FTCDNL1: variants seen among roughly 807,000 people sequenced by gnomAD.
FTCDNL1 encodes formiminotransferase N-terminal subdomain-containing protein.
A neutral mutation model predicts 5.9 loss-of-function variants in FTCDNL1; 11 were observed. That is an observed-to-expected ratio of 1.87 (90% confidence interval 1.18 to 3.10). FTCDNL1 has a LOEUF of 3.10. Ranked by LOEUF, FTCDNL1 falls within the 30% of genes most tolerant of loss-of-function variation. FTCDNL1 has a pLI of 0.00. For missense variants in FTCDNL1, 115 were observed against 65.5 expected (o/e 1.76, Z -2.61); for synonymous variants, 58 against 24.8 (o/e 2.34, Z -3.99).
chr2:199,678,829 TTAC>T, the FTCDNL1 span, among the ~76,000 whole-genome samples: 1 of 152,144 alleles, frequency 6.6e-6, no homozygotes, highest in African/African-American at 2.4e-5. Context: ...ACTCATTTAA[TTAC>T]TACTTTATTC....
rs970303981 is a variant in FTCDNL1, at chr2:199,840,623, T to G, written c.211+5452A>C. On this transcript the variant is annotated intron_variant, in intron 3 of 4. Coordinates refer to ENST00000420128, the MANE Select transcript of FTCDNL1 (RefSeq NM_001363886.2). Reference sequence around the variant, plus strand: ...AGTGTGATATTTCGATATCTAGAGTTAAATCAATAAGGTAAAAGAGTAGAA... The same window carrying G: ...AGTGTGATATTTCGATATCTAGAGTGAAATCAATAAGGTAAAAGAGTAGAA... Among the ~76,000 whole-genome samples the G allele has an allele frequency of 9.9e-5, 15 of 152,120 alleles. 1 individual carries two copies. Among genetic ancestry groups the G allele is most frequent in the Non-Finnish European group, 7.4e-5 (5 of 68,024 alleles).
At chr2:199,847,404 ACT>A (rs2076760765) in intron 2 of FTCDNL1, among the ~76,000 whole-genome samples, 1 of 152,136 alleles carries the variant, frequency 6.6e-6, no homozygotes, top group Non-Finnish European at 1.5e-5. Flanking sequence ...ACATACTCTA[ACT>A]CCTGGAAGAA....
chr2:199,797,110 T>C (rs1200280436), intron 3 of FTCDNL1, among the ~76,000 whole-genome samples: 3 of 152,238 alleles, frequency 2.0e-5, no homozygotes, highest in East Asian at 1.9e-4. Flanking sequence ...TGGATGCTTA[T>C]AAGCGATAGC....
At chr2:199,702,612 G>T in the FTCDNL1 span, among the ~76,000 whole-genome samples, 14 of 152,156 alleles carry the variant, frequency 9.2e-5, no homozygotes, top group African/African-American at 3.4e-4. Context: ...TATTTATCAA[G>T]CTGCCTCTAT....
chr2:199,816,016 A>G (rs1281776165), intron 4 of FTCDNL1, among the ~76,000 whole-genome samples: 1 of 151,684 alleles, frequency 6.6e-6, no homozygotes, highest in African/African-American at 2.4e-5. Flanking sequence ...AAAAGAAAGA[A>G]AGAAAGAAAG....
At chr2:199,780,917 T>G (rs1699332003) in intron 3 of FTCDNL1, among the ~76,000 whole-genome samples, 1 of 152,200 alleles carries the variant, frequency 6.6e-6, no homozygotes, top group Non-Finnish European at 1.5e-5. Flanking sequence ...CTCATGGAAG[T>G]GCTCTTCCTC....
At chr2:199,751,715 C>T in the FTCDNL1 span, among the ~76,000 whole-genome samples, 1 of 129,920 alleles carries the variant, frequency 7.7e-6, no homozygotes, top group East Asian at 2.6e-4. Context: ...ACAAACTGTT[C>T]CTGCCAGTTT....
intron 3 of FTCDNL1, among the ~76,000 whole-genome samples, chr2:199,802,092 A>T (rs1261329721): frequency 6.6e-6 from 1 of 152,230 alleles, no homozygotes; most frequent in Non-Finnish European, 1.5e-5. Flanking sequence ...TCATGAAAGG[A>T]CATATAACAA....
At chr2:199,765,556 A>ATATATATATATATTTTTTTTTTTT in intron 3 of FTCDNL1, among the ~76,000 whole-genome samples, 7 of 42,660 alleles carry the variant, frequency 1.6e-4, no homozygotes, top group Admixed American at 4.3e-4. Context: ...ATATATATAT[A>ATATATATATATATTTTTTTTTTTT]TTTTTTTTTT....
intron 3 of FTCDNL1, among the ~76,000 whole-genome samples, chr2:199,800,854 T>C (rs939231991): frequency 4.6e-5 from 7 of 152,248 alleles, no homozygotes; most frequent in African/African-American, 1.7e-4. Flanking sequence ...CTGTTTCCTA[T>C]GATTATCACA....
chr2:199,748,128 T>A, the FTCDNL1 span, among the ~76,000 whole-genome samples: 1 of 152,260 alleles, frequency 6.6e-6, no homozygotes, highest in East Asian at 1.9e-4. Flanking sequence ...AGCAGTGCAA[T>A]AGTTGAAAAA....
the FTCDNL1 span, among the ~76,000 whole-genome samples, chr2:199,744,826 G>A: frequency 2.0e-4 from 31 of 152,228 alleles, no homozygotes; most frequent in East Asian, 7.7e-4. Flanking sequence ...CCCAACCTTC[G>A]TAGGTGTAAA....
intron 3 of FTCDNL1, among the ~76,000 whole-genome samples, chr2:199,782,918 T>C (rs74867728): frequency 0.019 from 2,894 of 152,334 alleles, 82 homozygotes; most frequent in African/African-American, 0.065. Context: ...CAAAGGACTA[T>C]GATTTTTTTG....
the FTCDNL1 span, among the ~76,000 whole-genome samples, chr2:199,743,745 C>T: frequency 6.6e-6 from 1 of 152,052 alleles, no homozygotes; most frequent in African/African-American, 2.4e-5. Flanking sequence ...TTATAGGTTC[C>T]TCTGAGGGTT....
chr2:199,826,488 C>CAAAA (rs35457727), intron 3 of FTCDNL1, among the ~76,000 whole-genome samples: 1 of 121,186 alleles, frequency 8.3e-6, no homozygotes, highest in African/African-American at 3.1e-5. Context: ...ATTTCTCAGT[C>CAAAA]AAAAAAAAAA....
chr2:199,705,578 C>T, the FTCDNL1 span, among the ~76,000 whole-genome samples: 2 of 152,106 alleles, frequency 1.3e-5, no homozygotes, highest in Non-Finnish European at 2.9e-5. Context: ...AATCCATATG[C>T]TTTTTATTTC....
intron 3 of FTCDNL1, among the ~76,000 whole-genome samples, chr2:199,799,641 T>C (rs1700345104): frequency 6.6e-6 from 1 of 152,124 alleles, no homozygotes; most frequent in Non-Finnish European, 1.5e-5. Flanking sequence ...TTTACAAAAA[T>C]ATAAAACTAT....
the FTCDNL1 span, among the ~76,000 whole-genome samples, chr2:199,716,636 A>G: frequency 6.6e-6 from 1 of 152,148 alleles, no homozygotes. Context: ...CTGCAGATTA[A>G]TGGAGGCTTC....
At chr2:199,833,389 C>A (rs920306540) in intron 3 of FTCDNL1, among the ~76,000 whole-genome samples, 2 of 152,184 alleles carry the variant, frequency 1.3e-5, no homozygotes, top group Non-Finnish European at 2.9e-5. Flanking sequence ...CACATATACA[C>A]CCTGAGTGGG....
Sources: allele counts gnomAD v4.1 joint callset (sites outside exome capture counted in the v4.1 genomes callset), GRCh38; gene constraint gnomAD v4.1.1; transcripts MANE v1.5; gene names NCBI Gene and HGNC (gene_info 2026-07-23, HGNC 2026-07-21).